The following CDC42SE2 variants were observed in gnomAD, a reference collection of about 807,000 sequenced individuals.
The protein encoded by CDC42SE2 is CDC42 small effector protein 2.
Under a neutral mutation model 11.5 loss-of-function variants are expected in CDC42SE2, and 3 were observed. That is an observed-to-expected ratio of 0.26 (90% CI 0.12 to 0.67). The LOEUF (loss-of-function observed/expected upper bound fraction) is 0.67, where lower values mean the gene tolerates loss of function less well. Ranked by LOEUF, CDC42SE2 falls within the 30% of genes least tolerant of loss-of-function variation. The probability of loss-of-function intolerance (pLI) is 0.80; values close to 1 mark genes in which losing one functional copy is unlikely to be tolerated. For synonymous variants in CDC42SE2, 33 were observed against 34.8 expected (o/e 0.95, Z 0.18); for missense variants, 82 against 106.8 (o/e 0.77, Z 1.02).
At chr5:131,333,325 A>C (rs979141476) in intron 2 of CDC42SE2, among the ~76,000 whole-genome samples, 1 of 152,076 alleles carries the variant, frequency 6.6e-6, no homozygotes, top group Non-Finnish European at 1.5e-5. Flanking sequence ...CCATTGGTCT[A>C]TATCTCTGTT....
intron 2 of CDC42SE2, among the ~76,000 whole-genome samples, chr5:131,358,281 A>G (rs1483538743): frequency 6.6e-6 from 1 of 152,162 alleles, no homozygotes; most frequent in African/African-American, 2.4e-5. Context: ...TTCAGGCTAA[A>G]GAGGGAGATA....
rs573088059 is a variant in CDC42SE2 at position 131,374,439 on chromosome 5, G to A, written c.55-11104G>A. 9.9e-4 allele frequency among the ~76,000 whole-genome samples: 149 copies of A among 151,206 alleles called. No homozygotes were observed. The Middle Eastern group carries it at 0.014, about 14-fold the overall frequency. ...CCAGCTACTTGGGAGGCTGAGGCAG[G>A]AGAATCACCTGAACCCGGGTGGCAG... On this transcript the variant is annotated intron_variant, in intron 3 of 4. Transcript: ENST00000505065.
chr5:131,233,453 C>T, the CDC42SE2 span, among the ~76,000 whole-genome samples: 5 of 152,214 alleles, frequency 3.3e-5, no homozygotes, highest in South Asian at 2.1e-4. Context: ...CCGCAACCTC[C>T]GCCTCCTGGG....
chr5:131,343,867 A>G (rs1323494651), intron 2 of CDC42SE2, among the ~76,000 whole-genome samples: 1 of 152,194 alleles, frequency 6.6e-6, no homozygotes, highest in African/African-American at 2.4e-5. Context: ...GATATTAAAG[A>G]ATGGAAGAGT....
chr5:131,273,738 A>T (rs540712353), intron 1 of CDC42SE2, among the ~76,000 whole-genome samples: 4 of 148,634 alleles, frequency 2.7e-5, no homozygotes, highest in African/African-American at 1.0e-4. Flanking sequence ...GCACCACTGC[A>T]CTCCAGCCTG....
chr5:131,386,635 G>GA (rs1393998290), intron 4 of CDC42SE2, among the ~76,000 whole-genome samples: 1 of 152,172 alleles, frequency 6.6e-6, no homozygotes, highest in Non-Finnish European at 1.5e-5. Context: ...TTGTTGAAGA[G>GA]AAAACCAGAA....
rs186259007 is a variant in CDC42SE2 at position 131,265,320 on chromosome 5, A to G, written c.-455+1154A>G. Among the ~76,000 whole-genome samples the G allele has an allele frequency of 3.3e-3, 507 of 152,316 alleles. 5 individuals carry two copies. Among genetic ancestry groups the G allele is most frequent in the African/African-American group, 0.012 (479 of 41,570 alleles). ...AATCTTTAAAAATAATGGAGAAGAT[A>G]AAGAGGGAGTGGGATTGTATTTTGA... On this transcript the variant is annotated intron_variant, in intron 1 of 4. Transcript: ENST00000505065.
chr5:131,276,385 G>A lies in CDC42SE2; in HGVS notation c.-455+12219G>A, dbSNP rs542411539. 9.9e-4 allele frequency among the ~76,000 whole-genome samples: 148 copies of A among 150,026 alleles called. 4 individuals carry two copies. In the South Asian group the frequency reaches 0.03, roughly 30 times the overall value. On this transcript the variant is annotated intron_variant, in intron 1 of 4. Coordinates refer to ENST00000505065, the MANE Select transcript of CDC42SE2 (RefSeq NM_001375635.1). The stretch of plus-strand genomic sequence containing the variant: ...GATTGCTTGAGCCTAGAAGGTTGAG[G>A]CTGCAGTGAGCCGAGATCTCACCAC...
rs1244691538 is a variant in CDC42SE2 at position 131,336,069 on chromosome 5, A to G, written c.-286+19925A>G. On this transcript the variant is annotated intron_variant, in intron 2 of 4. Coordinates refer to ENST00000505065, the MANE Select transcript of CDC42SE2 (RefSeq NM_001375635.1). ...ATGCAGTTTCTTCCTAGCCTTGATG[A>G]TCTTTACAATTTGGCATGTTTTTGC... Among the ~76,000 whole-genome samples, 8 of 146,066 alleles carry G rather than the reference A, an allele frequency of 5.5e-5. No individual in the cohort carries two copies. In the East Asian group the frequency reaches 6.0e-4, roughly 11 times the overall value.
chr5:131,251,606 T>C (rs577853245), intron 1 of CDC42SE2, among the ~76,000 whole-genome samples: 98 of 152,298 alleles, frequency 6.4e-4, no homozygotes, highest in African/African-American at 2.2e-3. Flanking sequence ...AAACAGTACA[T>C]GAATAGCAGA....
chr5:131,256,114 C>T (rs923616239), intron 2 of CDC42SE2, among the ~76,000 whole-genome samples: 15 of 152,336 alleles, frequency 9.8e-5, no homozygotes, highest in Middle Eastern at 3.4e-3. Context: ...TCTATTACCA[C>T]CCACAAATGA....
At chr5:131,331,012 C>T (rs1028286854) in intron 2 of CDC42SE2, among the ~76,000 whole-genome samples, 52 of 152,016 alleles carry the variant, frequency 3.4e-4, no homozygotes, top group African/African-American at 1.2e-3. Flanking sequence ...GGTAACAGAG[C>T]GAGACCCTCT....
intron 4 of CDC42SE2, among the ~76,000 whole-genome samples, chr5:131,388,774 A>G (rs1750564938): frequency 6.6e-6 from 1 of 152,210 alleles, no homozygotes; most frequent in Admixed American, 6.5e-5. Context: ...TTGGAGAAAA[A>G]TACTTTTTTT....
chr5:131,368,756 C>G (rs1236354565), intron 3 of CDC42SE2, among the ~76,000 whole-genome samples: 1 of 152,136 alleles, frequency 6.6e-6, no homozygotes, highest in Non-Finnish European at 1.5e-5. Flanking sequence ...TCATTCCATC[C>G]ACTTTATCCT....
At chr5:131,377,328 C>T (rs1260831295) in intron 3 of CDC42SE2, among the ~76,000 whole-genome samples, 2 of 151,946 alleles carry the variant, frequency 1.3e-5, no homozygotes, top group African/African-American at 2.4e-5. Context: ...GCCACCACAC[C>T]TGGCTAATTT....
chr5:131,341,667 G>A (rs1758714706), intron 2 of CDC42SE2, among the ~76,000 whole-genome samples: 1 of 152,136 alleles, frequency 6.6e-6, no homozygotes, highest in South Asian at 2.1e-4. Context: ...CTATTAATAT[G>A]TTCAGGTATT....
At chr5:131,378,271 C>G (rs1421811287) in intron 3 of CDC42SE2, among the ~76,000 whole-genome samples, 1 of 152,110 alleles carries the variant, frequency 6.6e-6, no homozygotes, top group African/African-American at 2.4e-5. Flanking sequence ...AATGAATATC[C>G]ACTAGGAAGA....
chr5:131,359,758 A>G (rs1326238945), intron 3 of CDC42SE2, among the ~76,000 whole-genome samples: 1 of 152,220 alleles, frequency 6.6e-6, no homozygotes, highest in South Asian at 2.1e-4. Flanking sequence ...TAGACCATTC[A>G]TCGTACATGA....
the CDC42SE2 span, among the ~76,000 whole-genome samples, chr5:131,237,476 A>G: frequency 1.3e-5 from 2 of 152,084 alleles, no homozygotes; most frequent in Admixed American, 6.6e-5. Flanking sequence ...CAACGTCCAT[A>G]TTTTCTCAAG....
Sources: gnomAD v4.1 joint callset for allele counts (sites outside exome capture counted in the v4.1 genomes callset) on GRCh38, gnomAD v4.1.1 for gene constraint, MANE v1.5 for transcripts, NCBI Gene and HGNC (gene_info 2026-07-23, HGNC 2026-07-21) for gene names.